The following HDAC9 variants were observed in gnomAD, a reference collection of about 807,000 sequenced individuals.
The protein encoded by HDAC9 is histone deacetylase 9, also known as MEF-2 interacting transcription repressor (MITR) protein.
Under a neutral mutation model 139.4 loss-of-function variants are expected in HDAC9, and 41 were observed. The ratio of observed to expected loss-of-function variants is 0.29; its 90% CI spans 0.23 to 0.38. The LOEUF is 0.38. Ranked by LOEUF, HDAC9 falls within the 10% of genes least tolerant of loss-of-function variation. The pLI, the probability that HDAC9 is intolerant of heterozygous loss-of-function variation, is 1.00. For synonymous variants in HDAC9, 517 were observed against 476.2 expected (o/e 1.09, Z -1.12); for missense variants, 1,147 against 1,297.0 (o/e 0.88, Z 1.78).
intron 22 of HDAC9, among the ~76,000 whole-genome samples, chr7:18,914,035 T>A (rs1802969831): frequency 6.6e-6 from 1 of 151,988 alleles, no homozygotes; most frequent in South Asian, 2.1e-4. Flanking sequence ...GTAGGGCTTT[T>A]GAGAGCTAAT....
At chr7:18,974,718 A>G (rs1048868638) in intron 24 of HDAC9, among the ~76,000 whole-genome samples, 2 of 152,194 alleles carry the variant, frequency 1.3e-5, no homozygotes, top group African/African-American at 4.8e-5. Context: ...ATGAAACAGT[A>G]AGAAATAAAG....
At chr7:18,316,438 G>A (rs1212127040) in intron 1 of HDAC9, among the ~76,000 whole-genome samples, 3 of 151,972 alleles carry the variant, frequency 2.0e-5, no homozygotes, top group African/African-American at 7.3e-5. Context: ...ATTCTATAAT[G>A]GTTTTGTGCT....
chr7:18,125,367 C>G (rs1784594428), intron 1 of HDAC9, among the ~76,000 whole-genome samples: 1 of 151,984 alleles, frequency 6.6e-6, no homozygotes, highest in Non-Finnish European at 1.5e-5. Context: ...CGCTGAGTTT[C>G]TAGGACTTTC....
chr7:18,521,365 A>G (rs186964397), intron 2 of HDAC9, among the ~76,000 whole-genome samples: 3 of 152,254 alleles, frequency 2.0e-5, no homozygotes, highest in Admixed American at 6.5e-5. Context: ...TTAAGAAGAA[A>G]AACACTTCTT....
intron 14 of HDAC9, among the ~76,000 whole-genome samples, chr7:18,758,893 G>T (rs1789122595): frequency 6.6e-6 from 1 of 151,898 alleles, no homozygotes; most frequent in Admixed American, 6.6e-5. Flanking sequence ...GAAGCAGAAG[G>T]TGATTGCCAA....
At chr7:18,583,409 T>G (rs1480808921) in intron 2 of HDAC9, among the ~76,000 whole-genome samples, 1 of 152,076 alleles carries the variant, frequency 6.6e-6, no homozygotes, top group East Asian at 1.9e-4. Flanking sequence ...GCATTTTGTT[T>G]GGTTCCTGGA....
chr7:18,137,482 A>G lies in HDAC9; in HGVS notation c.-96-24747A>G, dbSNP rs1196635007. Among the ~76,000 whole-genome samples, 7 of 151,996 alleles carry G rather than the reference A, an allele frequency of 4.6e-5. No homozygotes were observed. The South Asian group carries it at 1.2e-3, about 27-fold the overall frequency. ...TTATTATTTTGAAATACATCCCATCATTACCTAATTTATTGAGAGATTTTA... is the reference window on the plus strand; with the variant it reads ...TTATTATTTTGAAATACATCCCATCGTTACCTAATTTATTGAGAGATTTTA... On this transcript the variant is annotated intron_variant, in intron 1 of 12. Transcript: ENST00000417496.
intron 2 of HDAC9, among the ~76,000 whole-genome samples, chr7:18,524,734 G>A (rs1261807648): frequency 1.3e-5 from 2 of 152,052 alleles, no homozygotes; most frequent in East Asian, 3.9e-4. Context: ...GTGAATTGGA[G>A]TGAGTGGATA....
At chr7:18,305,600 TC>T (rs1356546983) in intron 1 of HDAC9, among the ~76,000 whole-genome samples, 2 of 152,096 alleles carry the variant, frequency 1.3e-5, no homozygotes, top group Admixed American at 1.3e-4. Flanking sequence ...CATCAGGTTT[TC>T]TGGTCTGTAA....
chr7:18,240,363 C>T (rs894856715), intron 2 of HDAC9, among the ~76,000 whole-genome samples: 2 of 152,076 alleles, frequency 1.3e-5, no homozygotes, highest in Admixed American at 6.6e-5. Flanking sequence ...ACTGCATTTT[C>T]CCCTATGGAA....
chr7:18,196,494 T>A (rs1286438513), intron 2 of HDAC9, among the ~76,000 whole-genome samples: 2 of 152,108 alleles, frequency 1.3e-5, no homozygotes, highest in African/African-American at 2.4e-5. Context: ...CGAATTGGCA[T>A]TGGTGGCTGA....
At chr7:18,548,490 A>G (rs1815969012) in intron 2 of HDAC9, among the ~76,000 whole-genome samples, 1 of 152,204 alleles carries the variant, frequency 6.6e-6, no homozygotes, top group Non-Finnish European at 1.5e-5. Context: ...CAATAAAGCA[A>G]AGCAAAATAA....
chr7:18,269,919 A>T (rs1178077271), intron 2 of HDAC9, among the ~76,000 whole-genome samples: 1 of 152,036 alleles, frequency 6.6e-6, no homozygotes, highest in Admixed American at 6.6e-5. Flanking sequence ...CTTGAGTTTG[A>T]TAGAGATAAG....
intron 2 of HDAC9, among the ~76,000 whole-genome samples, chr7:18,193,359 C>A (rs772081485): frequency 6.6e-6 from 1 of 152,148 alleles, no homozygotes; most frequent in Non-Finnish European, 1.5e-5. Flanking sequence ...TATTGAGCTC[C>A]TACTTAGTAT....
chr7:18,629,322 A>AT (rs67361882), intron 6 of HDAC9, 28 bp from the exon 7 acceptor site: 67,185 of 1,167,236 alleles, frequency 0.058, 18 homozygotes, highest in South Asian at 0.092. Context: ...ATTTTTATCT[A>AT]TTTTTTTTTT....
intron 13 of HDAC9, among the ~76,000 whole-genome samples, chr7:18,730,894 A>G (rs1172672565): frequency 1.3e-5 from 2 of 152,130 alleles, no homozygotes; most frequent in Non-Finnish European, 2.9e-5. Flanking sequence ...TGTTAGCATC[A>G]CTACTCTTGC....
intron 2 of HDAC9, among the ~76,000 whole-genome samples, chr7:18,270,473 C>T (rs1487707507): frequency 2.0e-5 from 3 of 152,044 alleles, no homozygotes; most frequent in East Asian, 1.9e-4. Context: ...ATAGAAAAGG[C>T]CAAGTACATT....
At chr7:18,953,670 T>C (rs1029058347) in intron 23 of HDAC9, among the ~76,000 whole-genome samples, 1 of 152,102 alleles carries the variant, frequency 6.6e-6, no homozygotes, top group African/African-American at 2.4e-5. Context: ...AAAGCAGCTG[T>C]GTCTCATGGC....
chr7:18,954,129 A>G lies in HDAC9; in HGVS notation c.2938-17A>G, dbSNP rs1304749241. 1.3e-6 allele frequency: 2 copies of G among 1,514,936 alleles called. No homozygotes were observed. The highest frequency in any genetic ancestry group is 2.4e-5 in the East Asian group (1 of 41,970). The allele number at this position is 1,514,936 out of a possible 1,614,324, so 93.8% of individuals were successfully genotyped here. A position where few individuals can be genotyped will look rare whatever the true frequency, so the allele number is the denominator to read the frequency against. On this transcript the variant is annotated splice_polypyrimidine_tract_variant and intron_variant, in intron 23 of 25. Coordinates refer to ENST00000686413, the MANE Select transcript of HDAC9 (RefSeq NM_178425.4). ...GTCATAATATTCTGCTCATACTATT[A>G]TCTACTATTCTTGCAGCTGGAGCCA...
Sources: gnomAD v4.1 joint callset for allele counts (sites outside exome capture counted in the v4.1 genomes callset) on GRCh38, gnomAD v4.1.1 for gene constraint, MANE v1.5 for transcripts, NCBI Gene and HGNC (gene_info 2026-07-23, HGNC 2026-07-21) for gene names.